Variants in TBPL2 observed in about 807,000 individuals in gnomAD.
TBPL2 encodes TATA-box binding protein like 2, also known as TATA box-binding protein-like 2.
A neutral mutation model predicts 38.2 loss-of-function variants in TBPL2; 40 were observed. That is an observed-to-expected ratio of 1.05 (90% CI 0.81 to 1.36). The LOEUF is 1.36. Ranked by LOEUF, TBPL2 falls within the 40% of genes most tolerant of loss-of-function variation. The pLI is 0.00. For missense variants in TBPL2, 461 were observed against 456.7 expected (o/e 1.01, Z -0.09); for synonymous variants, 169 against 171.7 (o/e 0.98, Z 0.12).
At chr14:55,429,629 G>A (rs893485764) in intron 4 of TBPL2, among the ~76,000 whole-genome samples, 1 of 152,094 alleles carries the variant, frequency 6.6e-6, no homozygotes, top group South Asian at 2.1e-4. Context: ...AGCTGGACAT[G>A]GTGGCGGGCA....
intron 6 of TBPL2, among the ~76,000 whole-genome samples, chr14:55,419,599 A>G (rs1885713997): frequency 6.6e-6 from 1 of 152,206 alleles, no homozygotes; most frequent in Non-Finnish European, 1.5e-5. Context: ...GTAGAACAGC[A>G]GGGCCTCTTT....
chr14:55,434,678 T>C (rs773151732), intron 3 of TBPL2, among the ~76,000 whole-genome samples: 20 of 152,344 alleles, frequency 1.3e-4, no homozygotes, highest in Non-Finnish European at 2.4e-4. Flanking sequence ...CATCTTTGTG[T>C]CTGTCCTCAC....
At chr14:55,419,748 A>G (rs757921359) in intron 6 of TBPL2, among the ~76,000 whole-genome samples, 1 of 152,228 alleles carries the variant, frequency 6.6e-6, no homozygotes. Context: ...GCATGATACA[A>G]TGGTTTCAAA....
chr14:55,433,307 CTCTTTTTT>C (rs890397370), intron 4 of TBPL2, among the ~76,000 whole-genome samples: 2 of 103,872 alleles, frequency 1.9e-5, no homozygotes, highest in Non-Finnish European at 3.7e-5. Flanking sequence ...TTTTAGATTT[CTCTTTTTT>C]TTTTTTTTTT....
At chr14:55,427,969 G>T (rs571505145) in intron 5 of TBPL2, among the ~76,000 whole-genome samples, 4 of 109,854 alleles carry the variant, frequency 3.6e-5, no homozygotes, top group South Asian at 3.7e-4. Flanking sequence ...TCCGTCTCCC[G>T]GGTTCACGCC....
chr14:55,439,824 G>C lies in TBPL2; in HGVS notation c.150+572C>G, dbSNP rs74876355. Among the ~76,000 whole-genome samples, 136 of 151,196 alleles carry C rather than the reference G, an allele frequency of 9.0e-4. 1 individual carries two copies. Among genetic ancestry groups the C allele is most frequent in the Non-Finnish European group, 1.5e-3 (100 of 67,748 alleles). ...CGGGCTCCTGTAGTCCCAGCTACTC[G>C]GGAGGCTGAGGTAGGAGAATGGCGT... On this transcript the variant is annotated intron_variant, in intron 1 of 6. Coordinates refer to ENST00000247219, the Ensembl canonical transcript of TBPL2.
intron 6 of TBPL2, among the ~76,000 whole-genome samples, 158 bp from the exon 7 acceptor site, chr14:55,414,613 A>G (rs1463893674): frequency 6.6e-6 from 1 of 152,222 alleles, no homozygotes; most frequent in Non-Finnish European, 1.5e-5. Context: ...TAATTTGGCA[A>G]CTACAGCCAT....
intron 6 of TBPL2, 57 bp from the exon 7 acceptor site, chr14:55,414,512 A>T: frequency 7.9e-7 from 1 of 1,270,668 alleles, no homozygotes; most frequent in Non-Finnish European, 1.1e-6. Context: ...ACATTTACTT[A>T]AACACTAAAA....
chr14:55,430,684 A>G (rs1885911863), intron 4 of TBPL2, among the ~76,000 whole-genome samples: 1 of 152,186 alleles, frequency 6.6e-6, no homozygotes, highest in Non-Finnish European at 1.5e-5. Flanking sequence ...GGTGTGAGCC[A>G]CTGCACATGG....
chr14:55,424,235 A>C (rs148782971), exon 6 of TBPL2: 1 of 1,612,932 alleles, frequency 6.2e-7, no homozygotes, highest in African/African-American at 1.3e-5. Flanking sequence ...TAAGACCAGG[A>C]AACAGTTCAG....
At chr14:55,436,470 C>T (rs1281796509) in intron 2 of TBPL2, 91 bp downstream of exon 2, 1 of 1,111,966 alleles carries the variant, frequency 9.0e-7, no homozygotes, top group Non-Finnish European at 1.3e-6. Flanking sequence ...AATTCTCTTC[C>T]CTACTATTAT....
intron 1 of TBPL2, chr14:55,438,698 C>T (rs1886055490): frequency 6.6e-6 from 1 of 152,148 alleles, no homozygotes; most frequent in Non-Finnish European, 1.5e-5. Context: ...CAGGGTCTGC[C>T]TGTAGTGACT....
intron 5 of TBPL2, 92 bp downstream of exon 5, chr14:55,428,715 C>G: frequency 7.7e-7 from 1 of 1,300,346 alleles, no homozygotes; most frequent in East Asian, 2.4e-5. Flanking sequence ...TTTTTAATCA[C>G]AATTTCTCTG....
At chr14:55,418,798 C>T (rs1257964086) in intron 6 of TBPL2, among the ~76,000 whole-genome samples, 2 of 152,170 alleles carry the variant, frequency 1.3e-5, no homozygotes, top group African/African-American at 4.8e-5. Context: ...AGCAAAATTC[C>T]AGTCTTTGTC....
At chr14:55,421,001 C>A (rs1410087410) in intron 6 of TBPL2, among the ~76,000 whole-genome samples, 2 of 141,158 alleles carry the variant, frequency 1.4e-5, no homozygotes, top group African/African-American at 5.2e-5. Flanking sequence ...GCGGAGGTTG[C>A]AGTGAGCCGA....
At chr14:55,423,882 CA>C (rs1166227835) in intron 6 of TBPL2, among the ~76,000 whole-genome samples, 1 of 151,936 alleles carries the variant, frequency 6.6e-6, no homozygotes, top group Admixed American at 6.6e-5. Flanking sequence ...GAGTTTGTAA[CA>C]GTAAGTTTAA....
chr14:55,439,671 CT>C (rs931679433), intron 1 of TBPL2, among the ~76,000 whole-genome samples: 10 of 146,122 alleles, frequency 6.8e-5, no homozygotes, highest in Non-Finnish European at 5.9e-5. Flanking sequence ...TGGCTCACGC[CT>C]GTAATCCCAG....
chr14:55,424,264 G>A lies in TBPL2; in HGVS notation c.957-11C>T, dbSNP rs1885787358. The A allele has an allele frequency of 3.8e-6, 6 of 1,581,920 alleles. No homozygotes were observed. The highest frequency in any genetic ancestry group is 4.3e-6 in the Non-Finnish European group (5 of 1,152,298). On this transcript the variant is annotated splice_polypyrimidine_tract_variant and intron_variant, in intron 5 of 6. Transcript: ENST00000247219. The stretch of plus-strand genomic sequence containing the variant: ...AGTTCAGGCTCGTAACTGTTAAGAT[G>A]TAAAAGGAAAATGTTAAAAATAGCA...
intron 3 of TBPL2, among the ~76,000 whole-genome samples, chr14:55,434,572 A>G (rs1885984511): frequency 6.6e-6 from 1 of 152,082 alleles, no homozygotes; most frequent in Non-Finnish European, 1.5e-5. Context: ...CTCGTCCAAA[A>G]TGAGAGGTGT....
Sources: gnomAD v4.1 joint callset for allele counts (sites outside exome capture counted in the v4.1 genomes callset) on GRCh38, gnomAD v4.1.1 for gene constraint, MANE v1.5 for transcripts, NCBI Gene and HGNC (gene_info 2026-07-23, HGNC 2026-07-21) for gene names.